The following ADAMTS6 variants were observed in gnomAD, a reference collection of about 807,000 sequenced individuals.
ADAMTS6 encodes A disintegrin and metalloproteinase with thrombospondin motifs 6.
A neutral mutation model predicts 144.3 loss-of-function variants in ADAMTS6; 23 were observed. The ratio of observed to expected loss-of-function variants is 0.16; its 90% confidence interval spans 0.11 to 0.23. The LOEUF (loss-of-function observed/expected upper bound fraction) is 0.23. Ranked by LOEUF, ADAMTS6 falls within the 10% of genes least tolerant of loss-of-function variation. The pLI, the probability that ADAMTS6 is intolerant of heterozygous loss-of-function variation, is 1.00. For synonymous variants in ADAMTS6, 444 were observed against 457.5 expected (o/e 0.97, Z 0.38); for missense variants, 999 against 1,379.6 (o/e 0.72, Z 4.37).
At chr5:65,416,257 G>GT (rs1187629645) in intron 7 of ADAMTS6, 1 of 153,712 alleles carries the variant, frequency 6.5e-6, no homozygotes, top group East Asian at 1.9e-4. Context: ...AATCAAGCCT[G>GT]TTTTTGTTTT....
intron 7 of ADAMTS6, among the ~76,000 whole-genome samples, chr5:65,379,055 A>G (rs1356721858): frequency 6.6e-6 from 1 of 152,234 alleles, no homozygotes; most frequent in Non-Finnish European, 1.5e-5. Context: ...CATTAGAAAT[A>G]TCTGGAAAAC....
chr5:65,359,933 G>A (rs1220185326), intron 7 of ADAMTS6, among the ~76,000 whole-genome samples: 1 of 152,146 alleles, frequency 6.6e-6, no homozygotes, highest in Admixed American at 6.5e-5. Context: ...TTTACAGCAT[G>A]GTGACTATAG....
chr5:65,324,316 T>C (rs1292009615), intron 9 of ADAMTS6, among the ~76,000 whole-genome samples: 1 of 152,152 alleles, frequency 6.6e-6, no homozygotes, highest in East Asian at 1.9e-4. Flanking sequence ...GATCTAAATA[T>C]AAAAGCTAGA....
intron 22 of ADAMTS6, among the ~76,000 whole-genome samples, chr5:65,182,072 G>A (rs1382924869): frequency 2.6e-5 from 4 of 152,090 alleles, no homozygotes; most frequent in South Asian, 2.1e-4. Flanking sequence ...TGAAGAATGC[G>A]AAGAAAGACA....
chr5:65,196,489 C>T (rs1277491959), intron 21 of ADAMTS6, among the ~76,000 whole-genome samples: 1 of 128,714 alleles, frequency 7.8e-6, no homozygotes, highest in African/African-American at 2.9e-5. Flanking sequence ...CGCCACTGCA[C>T]TCCAGCCTGG....
In ADAMTS6 at chr5:65,410,674, C is replaced by T. The variant is rs943768231; in HGVS notation, c.1073+40801G>A. 4.6e-5 allele frequency among the ~76,000 whole-genome samples: 7 copies of T among 152,224 alleles called. No individual in the cohort carries two copies. In the East Asian group the frequency reaches 1.2e-3, roughly 25 times the overall value. On this transcript the variant is annotated intron_variant, in intron 7 of 24. Coordinates refer to ENST00000381055, the MANE Select transcript of ADAMTS6 (RefSeq NM_197941.4). ...AAATTTTGTGTCCTATGATCAACAT[C>T]TCCTAACCCCCACAACTTCTGGCAA...
intron 7 of ADAMTS6, among the ~76,000 whole-genome samples, chr5:65,349,266 G>T (rs1473503415): frequency 2.6e-5 from 4 of 151,990 alleles, no homozygotes; most frequent in African/African-American, 7.2e-5. Context: ...AAGTTGGTTT[G>T]CAAAGTTAAA....
chr5:65,269,735 A>G (rs1374683424), intron 12 of ADAMTS6, among the ~76,000 whole-genome samples: 1 of 152,062 alleles, frequency 6.6e-6, no homozygotes, highest in African/African-American at 2.4e-5. Flanking sequence ...CTTAATATTA[A>G]ACATAAGAAT....
intron 7 of ADAMTS6, among the ~76,000 whole-genome samples, chr5:65,423,364 T>A (rs1445678707): frequency 6.6e-6 from 1 of 152,144 alleles, no homozygotes; most frequent in Non-Finnish European, 1.5e-5. Context: ...TAAGTAAGTA[T>A]CAAATAAATT....
intron 7 of ADAMTS6, among the ~76,000 whole-genome samples, chr5:65,392,273 T>C (rs1157812408): frequency 1.3e-5 from 2 of 152,130 alleles, no homozygotes; most frequent in African/African-American, 4.8e-5. Context: ...TTATTGCAAT[T>C]TAATAAGCAG....
At chr5:65,348,526 A>G (rs943162447) in intron 7 of ADAMTS6, among the ~76,000 whole-genome samples, 2 of 152,092 alleles carry the variant, frequency 1.3e-5, no homozygotes, top group African/African-American at 4.8e-5. Context: ...ATGGGGAGAT[A>G]TTGATTATAG....
intron 3 of ADAMTS6, among the ~76,000 whole-genome samples, chr5:65,466,951 A>G (rs1760065826): frequency 6.6e-6 from 1 of 151,942 alleles, no homozygotes; most frequent in Non-Finnish European, 1.5e-5. Flanking sequence ...CTGACGCAGG[A>G]GAATGGCGTG....
intron 20 of ADAMTS6, chr5:65,198,505 T>A (rs1755533096): frequency 6.0e-6 from 1 of 167,078 alleles, no homozygotes; most frequent in African/African-American, 2.4e-5. Context: ...TGGGAGTGCC[T>A]CCGTTATCAT....
rs146037120 is a variant in ADAMTS6, at chr5:65,476,815, G to A, written c.-279-2863C>T. 1.1e-3 allele frequency among the ~76,000 whole-genome samples: 162 copies of A among 152,040 alleles called. 1 individual carries two copies. Among genetic ancestry groups the A allele is most frequent in the African/African-American group, 3.5e-3 (146 of 41,502 alleles). ...TTTTTAGTAGAGATGGGGTTTCACC[G>A]TGTTAGCCAGGATGGTCTCGATCTC... On this transcript the variant is annotated intron_variant, in intron 1 of 24. Coordinates refer to ENST00000381055, the MANE Select transcript of ADAMTS6 (RefSeq NM_197941.4).
chr5:65,203,070 T>C (rs1755843242), intron 20 of ADAMTS6, among the ~76,000 whole-genome samples: 1 of 152,198 alleles, frequency 6.6e-6, no homozygotes, highest in South Asian at 2.1e-4. Flanking sequence ...AAAACAGGCA[T>C]GTTTCTTTTC....
chr5:65,286,753 C>A (rs1026680244), intron 11 of ADAMTS6, among the ~76,000 whole-genome samples: 2 of 152,142 alleles, frequency 1.3e-5, no homozygotes, highest in Non-Finnish European at 2.9e-5. Flanking sequence ...TGAGGCTGAG[C>A]CTTGAATTAA....
chr5:65,402,864 T>C (rs1053209072), intron 7 of ADAMTS6, among the ~76,000 whole-genome samples: 7 of 152,106 alleles, frequency 4.6e-5, no homozygotes, highest in Non-Finnish European at 1.0e-4. Flanking sequence ...ATGAAAAAAC[T>C]TCATGAACTC....
intron 20 of ADAMTS6, among the ~76,000 whole-genome samples, chr5:65,212,015 C>CA (rs1304657415): frequency 6.6e-6 from 1 of 152,168 alleles, no homozygotes; most frequent in Non-Finnish European, 1.5e-5. Flanking sequence ...GTTTCTCTGT[C>CA]AGCCAAGACC....
At chr5:65,206,838 TCACACACACACA>T (rs147509641) in intron 20 of ADAMTS6, among the ~76,000 whole-genome samples, 2 of 145,048 alleles carry the variant, frequency 1.4e-5, no homozygotes, top group Non-Finnish European at 1.5e-5. Flanking sequence ...TCTCTCTCTC[TCACACACACACA>T]CACACACACA....
Sources: allele counts gnomAD v4.1 joint callset (sites outside exome capture counted in the v4.1 genomes callset), GRCh38; gene constraint gnomAD v4.1.1; transcripts MANE v1.5; gene names NCBI Gene and HGNC (gene_info 2026-07-23, HGNC 2026-07-21).